Variants in KIAA1549L observed in about 807,000 individuals in gnomAD.
The protein encoded by KIAA1549L is KIAA1549 like, also known as UPF0606 protein KIAA1549L.
A neutral mutation model predicts 160.7 loss-of-function variants in KIAA1549L; 88 were observed. The observed-to-expected ratio is 0.55, with a 90% CI of 0.46 to 0.65. The LOEUF is 0.65. Among genes scored for constraint, KIAA1549L ranks in the 30% least tolerant of loss-of-function variants. KIAA1549L has a pLI of 0.00. For missense variants in KIAA1549L, 2,258 were observed against 2,437.5 expected, an observed-to-expected ratio of 0.93 and a Z score of 1.55; for synonymous variants, 950 against 976.7, an observed-to-expected ratio of 0.97 and a Z score of 0.51.
At chr11:33,580,644 A>G (rs1293910908) in intron 10 of KIAA1549L, among the ~76,000 whole-genome samples, 1 of 151,854 alleles carries the variant, frequency 6.6e-6, no homozygotes, top group East Asian at 1.9e-4. Context: ...CCCTCTGGTA[A>G]AGAGGACTCA....
At chr11:33,538,739 A>C (rs1259001683) in intron 1 of KIAA1549L, among the ~76,000 whole-genome samples, 4 of 152,350 alleles carry the variant, frequency 2.6e-5, no homozygotes, top group Middle Eastern at 6.8e-3. Flanking sequence ...TATTTTCTAA[A>C]TATAGATACT....
intron 11 of KIAA1549L, among the ~76,000 whole-genome samples, chr11:33,590,870 G>T (rs1177494986): frequency 6.6e-5 from 10 of 152,206 alleles, no homozygotes; most frequent in African/African-American, 2.4e-4. Context: ...TTCTAGGCAG[G>T]AGGTGATCCA....
intron 9 of KIAA1549L, among the ~76,000 whole-genome samples, chr11:33,571,404 ATT>A (rs1855249520): frequency 6.6e-5 from 10 of 152,202 alleles, no homozygotes; most frequent in African/African-American, 2.4e-4. Context: ...CTAGAAAGTG[ATT>A]AGGCCGTTCT....
intron 6 of KIAA1549L, among the ~76,000 whole-genome samples, chr11:33,552,701 CACAT>C (rs1304968006): frequency 0.041 from 2,982 of 72,000 alleles, 115 homozygotes; most frequent in African/African-American, 0.15. Context: ...CACACACACA[CACAT>C]GCGTTTTATA....
At chr11:33,550,900 ATTG>A (rs2133197377) in intron 4 of KIAA1549L, 137 bp from the exon 5 acceptor site, 1 of 719,766 alleles carries the variant, frequency 1.4e-6, no homozygotes, top group African/African-American at 1.8e-5. Flanking sequence ...GCTTTATAGA[ATTG>A]TTAAGAATAT....
Position 33,606,657 on chromosome 11 carries a change from AGAG to A in KIAA1549L, c.4901_4903del (p.Glu1634del). ...GTGCTTCAGTGCCAGCGAGTGACGA[AGAG>A]GAGGGAGCGGTTCTATTTGACAACT... On this transcript the variant is annotated inframe_deletion, in exon 14 of 21. Transcript: ENST00000658780. 6.2e-7 allele frequency: 1 copy of A among 1,613,944 alleles called. No individual in the cohort carries two copies. The highest frequency in any genetic ancestry group is 1.1e-5 in the South Asian group (1 of 91,050).
intron 1 of KIAA1549L, among the ~76,000 whole-genome samples, chr11:33,433,330 A>G (rs1021813588): frequency 6.6e-6 from 1 of 152,240 alleles, no homozygotes; most frequent in African/African-American, 2.4e-5. Context: ...ATGGCCAACA[A>G]ATGTGAAAAA....
intron 1 of KIAA1549L, among the ~76,000 whole-genome samples, chr11:33,389,975 G>A (rs941139642): frequency 5.3e-5 from 8 of 152,176 alleles, no homozygotes; most frequent in South Asian, 4.1e-4. Context: ...TGACATATTC[G>A]TAATAGGAAT....
intron 1 of KIAA1549L, among the ~76,000 whole-genome samples, chr11:33,512,734 A>T (rs1853256238): frequency 1.3e-5 from 2 of 152,148 alleles, no homozygotes; most frequent in Non-Finnish European, 2.9e-5. Flanking sequence ...GCTCTAGGTA[A>T]TATTCGAAAT....
chr11:33,566,269 TCA>T (rs1855046982), intron 8 of KIAA1549L, among the ~76,000 whole-genome samples: 1 of 152,156 alleles, frequency 6.6e-6, no homozygotes, highest in Non-Finnish European at 1.5e-5. Context: ...GTCCCCTCTC[TCA>T]CTCTTGGCCA....
intron 6 of KIAA1549L, among the ~76,000 whole-genome samples, chr11:33,557,755 C>T (rs1200710919): frequency 1.3e-5 from 2 of 152,078 alleles, no homozygotes; most frequent in Non-Finnish European, 2.9e-5. Flanking sequence ...GGACTGGTGG[C>T]GTGTGCCTGT....
chr11:33,528,140 T>TC, intron 1 of KIAA1549L, among the ~76,000 whole-genome samples: 1 of 152,306 alleles, frequency 6.6e-6, no homozygotes. Flanking sequence ...AAACCTTTTT[T>TC]CCTTTATAAA....
At chr11:33,603,432 G>C (rs952814599) in intron 13 of KIAA1549L, among the ~76,000 whole-genome samples, 1 of 152,096 alleles carries the variant, frequency 6.6e-6, no homozygotes, top group Middle Eastern at 3.2e-3. Context: ...GGCATATAGA[G>C]ATCTGGGAAA....
chr11:33,434,336 C>T (rs1247183818), intron 1 of KIAA1549L, among the ~76,000 whole-genome samples: 1 of 152,172 alleles, frequency 6.6e-6, no homozygotes, highest in Admixed American at 6.5e-5. Flanking sequence ...GACTTTGCTC[C>T]TCCTTTGCCT....
At chr11:33,439,058 C>G (rs1038330714) in intron 1 of KIAA1549L, among the ~76,000 whole-genome samples, 1 of 151,994 alleles carries the variant, frequency 6.6e-6, no homozygotes, top group Non-Finnish European at 1.5e-5. Flanking sequence ...TCCTGAGTAG[C>G]TAAAATTACA....
intron 12 of KIAA1549L, among the ~76,000 whole-genome samples, chr11:33,596,612 G>A (rs376251935): frequency 1.1e-4 from 17 of 152,238 alleles, no homozygotes; most frequent in Non-Finnish European, 2.1e-4. Flanking sequence ...GGCGGCGGGC[G>A]CCTGTAATCC....
At chr11:33,624,057 G>T (rs1025125025) in intron 16 of KIAA1549L, among the ~76,000 whole-genome samples, 1 of 152,128 alleles carries the variant, frequency 6.6e-6, no homozygotes, top group Non-Finnish European at 1.5e-5. Flanking sequence ...ATACTTTCAG[G>T]GAGAGGAGGA....
chr11:33,516,502 C>A (rs1853346487), intron 1 of KIAA1549L, among the ~76,000 whole-genome samples: 1 of 152,332 alleles, frequency 6.6e-6, no homozygotes, highest in East Asian at 1.9e-4. Context: ...GAAATCTGAG[C>A]AACCAAATTA....
In KIAA1549L at chr11:33,544,236, G is replaced by C. The variant is rs1340408978; in HGVS notation, c.2673G>C (p.Leu891Phe). The stretch of plus-strand genomic sequence containing the variant: ...CTTCCACACCATTCCAGAACATCTT[G>C]GGATATCACTCTGCTGCTGAATCTT... The part of the protein sequence containing the change: ...RNASTPFQNI[L>F]GYHSAAESSI... Residue 891 changes from leucine to phenylalanine, a missense_variant, in exon 2 of 21, where the codon TTG (leucine) becomes TTC (phenylalanine). Physicochemically the swap from Leu to Phe is conservative, Grantham distance 22. Coordinates refer to ENST00000658780, the MANE Select transcript of KIAA1549L (RefSeq NM_012194.3). The C allele has an allele frequency of 6.2e-7, 1 of 1,613,972 alleles. No homozygotes were observed.
Sources: gnomAD v4.1 joint callset for allele counts (sites outside exome capture counted in the v4.1 genomes callset) on GRCh38, gnomAD v4.1.1 for gene constraint, MANE v1.5 for transcripts, NCBI Gene and HGNC (gene_info 2026-07-23, HGNC 2026-07-21) for gene names.